The following NT5DC3 variants were observed in gnomAD, a reference collection of about 807,000 sequenced individuals.
NT5DC3 encodes the protein 5'-nucleotidase domain-containing protein 3.
Under a neutral mutation model 67.8 loss-of-function variants are expected in NT5DC3, and 42 were observed. That is an observed-to-expected ratio of 0.62 (90% CI 0.48 to 0.80). The LOEUF (loss-of-function observed/expected upper bound fraction) is 0.80. NT5DC3 is among the 30% of genes least tolerant of loss of function. The pLI is 0.00. For missense variants in NT5DC3, 570 were observed against 696.4 expected, an observed-to-expected ratio of 0.82 and a Z score of 2.04; for synonymous variants, 237 against 255.6, an observed-to-expected ratio of 0.93 and a Z score of 0.69.
downstream of NT5DC3, chr12:103,766,217 C>A (rs760057933): frequency 1.0e-5 from 16 of 1,597,100 alleles, no homozygotes; most frequent in African/African-American, 4.0e-5. Flanking sequence ...GACCAGTGGC[C>A]ACCAGAAAGA....
At chr12:103,758,126 C>A in the NT5DC3 span, 3 of 1,612,312 alleles carry the variant, frequency 1.9e-6, no homozygotes, top group Non-Finnish European at 2.5e-6. Flanking sequence ...CAGGTCCCTG[C>A]ACACCAGGGC....
At chr12:103,807,715 TG>T (rs1055046467) in intron 2 of NT5DC3, among the ~76,000 whole-genome samples, 1 of 152,228 alleles carries the variant, frequency 6.6e-6, no homozygotes, top group Non-Finnish European at 1.5e-5. Context: ...CATCTTGAAT[TG>T]TAGTTCCCAT....
At chr12:103,808,673 C>T (rs1886903442) in intron 2 of NT5DC3, among the ~76,000 whole-genome samples, 1 of 152,120 alleles carries the variant, frequency 6.6e-6, no homozygotes, top group African/African-American at 2.4e-5. Flanking sequence ...AATTGAGAAC[C>T]CTGTGTATGG....
At chr12:103,790,173 C>T (rs1009509720) in intron 9 of NT5DC3, among the ~76,000 whole-genome samples, 10 of 152,204 alleles carry the variant, frequency 6.6e-5, no homozygotes, top group East Asian at 1.9e-4. Context: ...GGCACAATCG[C>T]GGCTCACTAC....
chr12:103,835,167 G>A (rs1888094336), intron 1 of NT5DC3, among the ~76,000 whole-genome samples: 1 of 152,174 alleles, frequency 6.6e-6, no homozygotes, highest in Non-Finnish European at 1.5e-5. Context: ...ATCCAACTGT[G>A]AACCAGCAGC....
chr12:103,798,167 T>C (rs1028637234), intron 5 of NT5DC3, among the ~76,000 whole-genome samples: 1 of 151,942 alleles, frequency 6.6e-6, no homozygotes, highest in Non-Finnish European at 1.5e-5. Flanking sequence ...AAATTCTGAG[T>C]GGAAAGAGAA....
At chr12:103,748,858 T>C in the NT5DC3 span, 1 of 1,223,754 alleles carries the variant, frequency 8.2e-7, no homozygotes, top group African/African-American at 1.5e-5. Flanking sequence ...CAGGGGCCCA[T>C]TTACTCACCC....
chr12:103,810,992 C>T (rs1887003928), intron 2 of NT5DC3, among the ~76,000 whole-genome samples: 1 of 152,176 alleles, frequency 6.6e-6, no homozygotes, highest in African/African-American at 2.4e-5. Flanking sequence ...ACACAAAACA[C>T]TATGCTAGAG....
the NT5DC3 span, chr12:103,755,346 G>A: frequency 6.2e-7 from 1 of 1,614,122 alleles, no homozygotes; most frequent in Non-Finnish European, 8.5e-7. Context: ...AGACCGGGCG[G>A]GTTGCCTACC....
At chr12:103,827,592 T>C in intron 1 of NT5DC3, among the ~76,000 whole-genome samples, 1 of 152,214 alleles carries the variant, frequency 6.6e-6, no homozygotes, top group African/African-American at 2.4e-5. Context: ...CAAATTAAAA[T>C]TATATTCAGG....
chr12:103,815,847 G>C (rs772596319), intron 1 of NT5DC3, among the ~76,000 whole-genome samples: 1 of 152,044 alleles, frequency 6.6e-6, no homozygotes, highest in Non-Finnish European at 1.5e-5. Context: ...AAGAACATTT[G>C]CTTCAACATC....
At position 103,787,469 on chromosome 12, in the gene NT5DC3, A is replaced by G; in HGVS notation, c.1160T>C (p.Phe387Ser). Reference protein sequence around the residue: ...TGWRGSRVLYFGDHIYSDLAD... With the variant: ...TGWRGSRVLYSGDHIYSDLAD... ...CAGGTCACTGTATATATGGTCACCA[A>G]AATACAACACTCTGGATCCTCTCCA... Residue 387 changes from phenylalanine (F) to serine (S), a missense_variant, in exon 11 of 14, where the codon TTT becomes TCT. Transcript: ENST00000392876. 1 of 1,604,494 alleles carries G rather than the reference A, an allele frequency of 6.2e-7. No individual in the cohort carries two copies. The highest frequency in any genetic ancestry group is 2.2e-5 in the East Asian group (1 of 44,766).
chr12:103,755,564 T>C, the NT5DC3 span: 1 of 1,612,296 alleles, frequency 6.2e-7, no homozygotes, highest in Non-Finnish European at 8.5e-7. Flanking sequence ...AGTGCAGCCC[T>C]GGCCCCTGCC....
chr12:103,794,102 G>A, intron 6 of NT5DC3, 105 bp from the exon 7 acceptor site: 1 of 826,428 alleles, frequency 1.2e-6, no homozygotes, highest in South Asian at 1.4e-5. Context: ...TAGAAAGTCT[G>A]ACAATCCAGG....
chr12:103,766,091 G>A (rs1486108162), downstream of NT5DC3: 1 of 723,520 alleles, frequency 1.4e-6, no homozygotes. Context: ...AAGCAGGAGA[G>A]ACTAAAACAG....
intron 5 of NT5DC3, among the ~76,000 whole-genome samples, chr12:103,797,571 C>T (rs372359682): frequency 2.0e-5 from 3 of 152,084 alleles, no homozygotes; most frequent in Non-Finnish European, 4.4e-5. Flanking sequence ...AAAGAAATGC[C>T]CTGATTTCCC....
rs1431594856 is a variant in NT5DC3 at position 103,817,109 on chromosome 12, T to G, written c.209-1988A>C. 1.3e-5 allele frequency among the ~76,000 whole-genome samples: 2 copies of G among 150,412 alleles called. 1 individual carries two copies. Among genetic ancestry groups the G allele is most frequent in the Middle Eastern group, 6.5e-3 (2 of 306 alleles). On this transcript the variant is annotated intron_variant, in intron 1 of 13. Coordinates refer to ENST00000392876, the MANE Select transcript of NT5DC3 (RefSeq NM_001031701.3). ...GTTATCAGATGTGCCAGGAGGTGAA[T>G]GCAGAGAGAGACAGCAGTTCTCTAG...
the NT5DC3 span, among the ~76,000 whole-genome samples, chr12:103,760,248 GGT>G: frequency 6.6e-6 from 1 of 152,094 alleles, no homozygotes; most frequent in Non-Finnish European, 1.5e-5. Flanking sequence ...ATGCCACAAT[GGT>G]GTGTGGGGGG....
intron 2 of NT5DC3, among the ~76,000 whole-genome samples, chr12:103,811,507 G>C (rs370712659): frequency 6.6e-6 from 1 of 152,044 alleles, no homozygotes; most frequent in African/African-American, 2.4e-5. Context: ...TAAGGAAAAC[G>C]CACATAGCAC....
Sources: allele counts gnomAD v4.1 joint callset (sites outside exome capture counted in the v4.1 genomes callset), GRCh38; gene constraint gnomAD v4.1.1; transcripts MANE v1.5; gene names NCBI Gene and HGNC (gene_info 2026-07-23, HGNC 2026-07-21).